PATJ: variants seen among roughly 807,000 people sequenced by gnomAD.
The protein encoded by PATJ is inaD-like protein.
PATJ carries 190 observed loss-of-function variants against 224.9 expected under a neutral mutation model. The ratio of observed to expected loss-of-function variants is 0.84; its 90% CI spans 0.75 to 0.95. The LOEUF is 0.95. Among genes scored for constraint, PATJ ranks in the 40% least tolerant of loss-of-function variants. The pLI is 0.00. For synonymous variants in PATJ, 769 were observed against 820.3 expected (o/e 0.94, Z 1.07); for missense variants, 2,121 against 2,270.3 (o/e 0.93, Z 1.34).
At chr1:61,857,661 A>C (rs1663910415) in intron 18 of PATJ, among the ~76,000 whole-genome samples, 2 of 152,244 alleles carry the variant, frequency 1.3e-5, no homozygotes, top group Admixed American at 6.5e-5. Flanking sequence ...AATATATATA[A>C]GAATCACCTG....
chr1:62,125,254 C>CAAAAAAAAAAAAAAAAAAAAAAAAAA (rs779305398), intron 39 of PATJ, among the ~76,000 whole-genome samples: 2 of 71,424 alleles, frequency 2.8e-5, no homozygotes, highest in Non-Finnish European at 5.2e-5. Flanking sequence ...AAAAAAAAAA[C>CAAAAAAAAAAAAAAAAAAAAAAAAAA]AAAAAAAAAC....
chr1:61,975,710 G>GT (rs2149480767), intron 27 of PATJ, among the ~76,000 whole-genome samples: 1 of 152,074 alleles, frequency 6.6e-6, no homozygotes, highest in South Asian at 2.1e-4. Context: ...CCTCGTCCAG[G>GT]TGTTTAGAAC....
At chr1:61,991,963 C>A (rs189268867) in intron 28 of PATJ, among the ~76,000 whole-genome samples, 3 of 152,256 alleles carry the variant, frequency 2.0e-5, no homozygotes, top group African/African-American at 4.8e-5. Context: ...ATGGTAACAA[C>A]TATTATTATC....
chr1:62,034,009 C>A lies in PATJ; in HGVS notation c.3960-3968C>A, dbSNP rs1649846637. Among the ~76,000 whole-genome samples the A allele has an allele frequency of 3.9e-5, 6 of 152,160 alleles. No individual in the cohort carries two copies. The South Asian group carries it at 1.2e-3, about 32-fold the overall frequency. On this transcript the variant is annotated intron_variant, in intron 29 of 43. Transcript: ENST00000642238. ...CCGTGCTCTGGAAAACAGGTCTCAC[C>A]CTTATCTGTGGGAAAAGTCCGTTAT...
Position 61,801,751 on chromosome 1 carries a change from C to T in PATJ, c.1531C>T (p.Gln511Ter). 1 of 1,588,562 alleles carries T rather than the reference C, an allele frequency of 6.3e-7. No homozygotes were observed. The highest frequency in any genetic ancestry group is 8.6e-7 in the Non-Finnish European group (1 of 1,167,436). ...RIDTLKNDNI[Q>*]ALEKLEKVPD... is the part of the protein sequence containing the mutation. ...TGATACTTTAAAAAATGACAACATA[C>T]AAGCCTTAGAAAAATTGGGTAGGCA... Residue 511 changes from glutamine (Q) to a stop codon, truncating the protein, a stop_gained, in exon 12 of 44, where the codon CAA becomes TAA. Transcript: ENST00000642238. LOFTEE classifies it high-confidence loss of function.
chr1:61,855,243 A>T (rs1469412561), intron 17 of PATJ, among the ~76,000 whole-genome samples: 2 of 152,132 alleles, frequency 1.3e-5, no homozygotes, highest in Non-Finnish European at 2.9e-5. Flanking sequence ...AATGTCAGAG[A>T]ATCTTGCCCA....
At chr1:62,127,018 AAC>A (rs1665785346) in intron 39 of PATJ, among the ~76,000 whole-genome samples, 1 of 152,130 alleles carries the variant, frequency 6.6e-6, no homozygotes, top group Non-Finnish European at 1.5e-5. Context: ...CTAAATAACA[AAC>A]AGAGAGGCTC....
chr1:61,751,024 G>C (rs1645293081), intron 1 of PATJ, among the ~76,000 whole-genome samples: 2 of 145,644 alleles, frequency 1.4e-5, no homozygotes, highest in South Asian at 4.3e-4. Context: ...TTTTGAGATG[G>C]AGTCTCACAC....
intron 20 of PATJ, among the ~76,000 whole-genome samples, chr1:61,869,247 C>T (rs1665929831): frequency 6.7e-6 from 1 of 149,312 alleles, no homozygotes; most frequent in South Asian, 2.2e-4. Context: ...GCTGGGACTA[C>T]AGGCGCCCGC....
At chr1:62,032,390 A>T (rs543117268) in intron 29 of PATJ, among the ~76,000 whole-genome samples, 3 of 152,326 alleles carry the variant, frequency 2.0e-5, no homozygotes, top group African/African-American at 7.2e-5. Flanking sequence ...TTAGGATATG[A>T]GGTTCTAAGT....
intron 25 of PATJ, among the ~76,000 whole-genome samples, chr1:61,911,695 T>TATA (rs1672666028): frequency 1.9e-4 from 27 of 140,600 alleles, no homozygotes; most frequent in South Asian, 1.1e-3. Context: ...CTATATATTT[T>TATA]TATATATATA....
Position 62,160,905 on chromosome 1 carries a change from T to C in PATJ, c.5503-3T>C. The C allele has an allele frequency of 6.2e-7, 1 of 1,613,824 alleles. No individual in the cohort carries two copies. Among genetic ancestry groups the C allele is most frequent in the Non-Finnish European group, 8.5e-7 (1 of 1,179,888 alleles). On this transcript the variant is annotated splice_region_variant and splice_polypyrimidine_tract_variant and intron_variant, in intron 43 of 43. Transcript: ENST00000642238. ...ATTAAACTGAAATGTTTCTTGTTTGTAGGGAGCAGCTGCAGATGACGGCCG... is the reference window on the plus strand; with the variant it reads ...ATTAAACTGAAATGTTTCTTGTTTGCAGGGAGCAGCTGCAGATGACGGCCG...
intron 15 of PATJ, among the ~76,000 whole-genome samples, chr1:61,827,018 GA>G (rs1557715019): frequency 6.6e-6 from 1 of 152,120 alleles, no homozygotes; most frequent in African/African-American, 2.4e-5. Flanking sequence ...AATGCAAAGG[GA>G]AACAGTCTTA....
intron 9 of PATJ, 48 bp from the exon 10 acceptor site, chr1:61,795,419 G>A (rs376618720): frequency 1.8e-6 from 2 of 1,141,372 alleles, no homozygotes; most frequent in East Asian, 5.0e-5. Flanking sequence ...TGCAATCAAG[G>A]CCTAATTAGA....
chr1:62,009,061 TG>T (rs1212603189), intron 28 of PATJ, among the ~76,000 whole-genome samples: 1 of 152,164 alleles, frequency 6.6e-6, no homozygotes, highest in Non-Finnish European at 1.5e-5. Flanking sequence ...CTCAATTTAC[TG>T]GAAGTAAATG....
intron 26 of PATJ, among the ~76,000 whole-genome samples, chr1:61,924,113 G>A (rs796809359): frequency 7.9e-5 from 12 of 152,144 alleles, no homozygotes; most frequent in African/African-American, 2.9e-4. Context: ...GCTCATGCCT[G>A]TAATCCCAGC....
chr1:61,808,600 A>C lies in PATJ; in HGVS notation c.1683+70A>C, dbSNP rs933593846. 29 of 992,106 alleles carry C rather than the reference A, an allele frequency of 2.9e-5. No individual in the cohort carries two copies. In the African/African-American group the frequency reaches 4.4e-4, roughly 15 times the overall value. 61.5% of individuals were successfully genotyped at this position (992,106 alleles called of 1,614,324 possible). A position where few individuals can be genotyped will look rare whatever the true frequency, so the allele number is the denominator to read the frequency against. On this transcript the variant is annotated intron_variant, in intron 14 of 43. Coordinates refer to ENST00000642238, the MANE Select transcript of PATJ (RefSeq NM_001350145.3). ...GAGATAGGGTCTCACTATGTTGTCC[A>C]GGTTGGTCTCAAACTCATAGGCTAA...
chr1:62,093,269 A>G (rs1338874021), intron 33 of PATJ, among the ~76,000 whole-genome samples: 3 of 152,148 alleles, frequency 2.0e-5, no homozygotes, highest in Non-Finnish European at 4.4e-5. Context: ...CTATAACCAT[A>G]TGTTGTTCTG....
chr1:62,084,388 A>T, intron 32 of PATJ, 127 bp from the exon 33 acceptor site: 1 of 968,444 alleles, frequency 1.0e-6, no homozygotes, highest in Admixed American at 3.4e-5. Context: ...TTTTTGCTTC[A>T]TGGTGTTTGG....
Sources: gnomAD v4.1 joint callset for allele counts (sites outside exome capture counted in the v4.1 genomes callset) on GRCh38, gnomAD v4.1.1 for gene constraint, MANE v1.5 for transcripts, NCBI Gene and HGNC (gene_info 2026-07-23, HGNC 2026-07-21) for gene names.